GEMIN5: variants seen among roughly 807,000 people sequenced by gnomAD.
GEMIN5 encodes gem-associated protein 5.
A neutral mutation model predicts 176.9 loss-of-function variants in GEMIN5; 124 were observed. That is an observed-to-expected ratio of 0.70 (90% CI 0.61 to 0.81). GEMIN5 has a LOEUF of 0.81. GEMIN5 is among the 40% of genes least tolerant of loss of function. The probability of loss-of-function intolerance (pLI) is 0.00; values close to 1 mark genes in which losing one functional copy is unlikely to be tolerated. For synonymous variants in GEMIN5, 673 were observed against 665.2 expected, an observed-to-expected ratio of 1.01 and a Z score of -0.18; for missense variants, 1,843 against 1,814.6, an observed-to-expected ratio of 1.02 and a Z score of -0.28.
chr5:154,930,751 A>C lies in GEMIN5; in HGVS notation c.781+707T>G, dbSNP rs531438919. On this transcript the variant is annotated intron_variant, in intron 5 of 27. Transcript: ENST00000285873. ...GGCTGTGACAGTTGCACAACTTTAG[A>C]GTGTACTTCATACCACTTAAATGTA... Among the ~76,000 whole-genome samples the C allele has an allele frequency of 5.9e-5, 9 of 152,304 alleles. No individual in the cohort carries two copies. In the South Asian group the frequency reaches 1.7e-3, roughly 28 times the overall value.
intron 20 of GEMIN5, 116 bp from the exon 21 acceptor site, chr5:154,901,602 A>T (rs1763466749): frequency 2.5e-6 from 2 of 790,346 alleles, no homozygotes; most frequent in Non-Finnish European, 4.2e-6. Context: ...CAGAACATTT[A>T]GATACCAATT....
At chr5:154,914,871 C>A (rs1443459715) in intron 13 of GEMIN5, among the ~76,000 whole-genome samples, 1 of 152,130 alleles carries the variant, frequency 6.6e-6, no homozygotes, top group African/African-American at 2.4e-5. Flanking sequence ...TACACGCACA[C>A]AGAATAAAGC....
intron 14 of GEMIN5, among the ~76,000 whole-genome samples, chr5:154,912,310 C>G (rs1763718636): frequency 6.6e-6 from 1 of 152,142 alleles, no homozygotes. Flanking sequence ...GGCCAATTTC[C>G]TTTCTATTTC....
At position 154,924,490 on chromosome 5, in the gene GEMIN5, A is replaced by C. The variant is rs1384583783; in HGVS notation, c.1358T>G (p.Leu453Trp). The change falls in exon 9 of 28, where the codon TTG (leucine) becomes TGG (tryptophan). Residue 453 changes from leucine (L) to tryptophan (W), a missense_variant. Coordinates refer to ENST00000285873, the MANE Select transcript of GEMIN5 (RefSeq NM_015465.5). ...AFGTDDGKVG[L>W]YDTYSNKPPQ... is the part of the protein sequence containing the mutation. ...TTACTTGTTGGAGTAGGTGTCATAC[A>C]ATCCCACTTTTCCATCATCAGTTCC... The C allele has an allele frequency of 1.2e-6, 2 of 1,610,494 alleles. No homozygotes were observed. The highest frequency in any genetic ancestry group is 2.2e-5 in the South Asian group (2 of 90,970).
intron 16 of GEMIN5, 82 bp downstream of exon 16, chr5:154,907,509 G>A (rs1245303489): frequency 2.1e-6 from 2 of 938,374 alleles, no homozygotes; most frequent in Non-Finnish European, 3.3e-6. Flanking sequence ...GAACAGCGAA[G>A]TTTCAAACTG....
chr5:154,914,399 T>C (rs1383478264), intron 13 of GEMIN5, among the ~76,000 whole-genome samples: 2 of 151,230 alleles, frequency 1.3e-5, no homozygotes. Context: ...AAAATGCAAA[T>C]AGGTGATCCT....
chr5:154,924,323 G>T (rs2113501337), intron 9 of GEMIN5, 146 bp downstream of exon 9: 1 of 642,564 alleles, frequency 1.6e-6, no homozygotes, highest in Admixed American at 2.5e-5. Context: ...CCAAAATGTG[G>T]AAGAGTCTAC....
intron 9 of GEMIN5, among the ~76,000 whole-genome samples, chr5:154,924,268 C>G (rs1025747322): frequency 6.6e-6 from 1 of 152,068 alleles, no homozygotes; most frequent in Non-Finnish European, 1.5e-5. Context: ...ACATAGGGAA[C>G]AGGGAAATGA....
chr5:154,894,426 T>C (rs1306214082), intron 24 of GEMIN5, among the ~76,000 whole-genome samples: 1 of 152,208 alleles, frequency 6.6e-6, no homozygotes, highest in Non-Finnish European at 1.5e-5. Context: ...TAGTGGAATA[T>C]CTAGGTAGCA....
At position 154,903,066 on chromosome 5, in the gene GEMIN5, TG is replaced by T; in HGVS notation, c.2728+13del. ...TAAAGATGGATGAGATTATGTTGAC[TG>T]GATTTGTCTCACCTTCAATATCAAT... On this transcript the variant is annotated intron_variant, in intron 19 of 27. Transcript: ENST00000285873. 2 of 1,491,078 alleles carry T rather than the reference TG, an allele frequency of 1.3e-6. No individual in the cohort carries two copies. The highest frequency in any genetic ancestry group is 1.9e-6 in the Non-Finnish European group (2 of 1,073,804). The allele number at this position is 1,491,078 out of a possible 1,614,324, so 92.4% of individuals were successfully genotyped here. A position where few individuals can be genotyped will look rare whatever the true frequency, so the allele number is the denominator to read the frequency against.
chr5:154,919,905 A>T, intron 11 of GEMIN5, 62 bp downstream of exon 11: 3 of 1,443,524 alleles, frequency 2.1e-6, no homozygotes, highest in Non-Finnish European at 2.9e-6. Context: ...ATTTTGCAAG[A>T]TGGGAAACAC....
intron 24 of GEMIN5, among the ~76,000 whole-genome samples, chr5:154,893,588 C>T (rs1763285237): frequency 6.6e-6 from 1 of 152,242 alleles, no homozygotes; most frequent in African/African-American, 2.4e-5. Flanking sequence ...TGCCCTCCGG[C>T]TCCTCTGCAG....
intron 26 of GEMIN5, among the ~76,000 whole-genome samples, chr5:154,890,439 C>A (rs989713102): frequency 1.3e-5 from 2 of 151,348 alleles, no homozygotes; most frequent in African/African-American, 4.9e-5. Flanking sequence ...AAATAAAATT[C>A]CTTTGTCACC....
intron 18 of GEMIN5, among the ~76,000 whole-genome samples, 185 bp downstream of exon 18, chr5:154,904,322 A>G (rs560159871): frequency 1.3e-5 from 2 of 152,306 alleles, no homozygotes; most frequent in East Asian, 1.9e-4. Flanking sequence ...GGTGGGTCAC[A>G]ATGGGGAGTT....
chr5:154,919,987 T>G lies in GEMIN5; in HGVS notation c.1579A>C (p.Arg527=). 1.2e-6 allele frequency: 2 copies of G among 1,613,678 alleles called. No homozygotes were observed. Among genetic ancestry groups the G allele is most frequent in the South Asian group, 2.2e-5 (2 of 91,028 alleles). Residue 527 remains arginine, a synonymous_variant, in exon 11 of 28, where the codon AGG becomes CGG. Coordinates refer to ENST00000285873, the MANE Select transcript of GEMIN5 (RefSeq NM_015465.5). ...CTCACTTTGATTGAATTGGTGTCCC[T>G]GATGAGTTTGTTGATGTCAAAGGCT... The part of the protein sequence containing the change: ...GEAFDINKLI[R]DTNSIKYKLP...
chr5:154,924,777 C>T (rs948696382), intron 8 of GEMIN5, among the ~76,000 whole-genome samples: 17 of 152,000 alleles, frequency 1.1e-4, no homozygotes, highest in Non-Finnish European at 1.8e-4. Flanking sequence ...ATCACGAGGT[C>T]AGGAGATCGA....
chr5:154,928,484 A>T, intron 6 of GEMIN5, 43 bp downstream of exon 6: 1 of 1,604,198 alleles, frequency 6.2e-7, no homozygotes, highest in Non-Finnish European at 8.5e-7. Flanking sequence ...GCCAAATAGA[A>T]AAACAAAATA....
At chr5:154,922,783 G>A (rs952816326) in intron 9 of GEMIN5, among the ~76,000 whole-genome samples, 9 of 84,222 alleles carry the variant, frequency 1.1e-4, no homozygotes, top group African/African-American at 2.6e-4. Context: ...CGCAACCTCC[G>A]CCTCCTGGGT....
intron 14 of GEMIN5, among the ~76,000 whole-genome samples, chr5:154,912,516 G>A (rs948457058): frequency 6.6e-6 from 1 of 152,178 alleles, no homozygotes; most frequent in Admixed American, 6.5e-5. Flanking sequence ...AGAACTTGGA[G>A]ATTTCTGACT....
Sources: allele counts gnomAD v4.1 joint callset (sites outside exome capture counted in the v4.1 genomes callset), GRCh38; gene constraint gnomAD v4.1.1; transcripts MANE v1.5; gene names NCBI Gene and HGNC (gene_info 2026-07-23, HGNC 2026-07-21).